GLS: variants seen among roughly 807,000 people sequenced by gnomAD.
The protein encoded by GLS is glutaminase kidney isoform, mitochondrial.
GLS carries 36 observed loss-of-function variants against 86.7 expected under a neutral mutation model. That is an observed-to-expected ratio of 0.42 (90% CI 0.32 to 0.55). The LOEUF (loss-of-function observed/expected upper bound fraction) is 0.55, where lower values mean the gene tolerates loss of function less well. Ranked by LOEUF, GLS falls within the 20% of genes least tolerant of loss-of-function variation. The probability of loss-of-function intolerance (pLI) is 0.17; values close to 1 mark genes in which losing one functional copy is unlikely to be tolerated. For synonymous variants in GLS, 317 were observed against 305.9 expected (o/e 1.04, Z -0.38); for missense variants, 528 against 833.4 (o/e 0.63, Z 4.51).
chr2:190,904,212 G>C (rs2124849635), intron 5 of GLS, among the ~76,000 whole-genome samples: 1 of 151,860 alleles, frequency 6.6e-6, no homozygotes, highest in South Asian at 2.1e-4. Context: ...TTGTAGACAG[G>C]GTCCCAGAGA....
At position 190,953,819 on chromosome 2, in the gene GLS, TAAA is replaced by T. The variant is rs1286578226; in HGVS notation, c.1712+197_1712+199del. ...CAATCTTGTCCTTTTCTGCCTCCTA[TAAA>T]AAAGACCATATCTCTGTTTCCCCAA... On this transcript the variant is annotated intron_variant, in intron 15 of 17. Coordinates refer to ENST00000320717, the MANE Select transcript of GLS (RefSeq NM_014905.5). This position sits in a 1 kb window ranked among gnomAD's most constrained non-coding sequence, Gnocchi z 4.0. Among the ~76,000 whole-genome samples the T allele has an allele frequency of 6.6e-6, 1 of 152,116 alleles. No homozygotes were observed. The highest frequency in any genetic ancestry group is 1.9e-4 in the East Asian group (1 of 5,198).
intron 14 of GLS, chr2:190,933,134 T>A (rs930992492): frequency 1.1e-6 from 1 of 876,638 alleles, no homozygotes; most frequent in East Asian, 1.0e-4. Context: ...TTTGATGTAA[T>A]TAAAATGTTA....
intron 12 of GLS, among the ~76,000 whole-genome samples, chr2:190,929,220 A>G (rs552118473): frequency 6.4e-4 from 97 of 151,656 alleles, no homozygotes; most frequent in African/African-American, 2.3e-3. Flanking sequence ...TTTGAGGAGG[A>G]GTAATTTAAA....
chr2:190,882,374 T>G (rs942419128), intron 1 of GLS, among the ~76,000 whole-genome samples: 2 of 152,194 alleles, frequency 1.3e-5, no homozygotes, highest in African/African-American at 4.8e-5. Context: ...TTAAACAATA[T>G]GCAAAGCAGT....
chr2:190,897,271 C>T lies in GLS; in HGVS notation c.605+1546C>T, dbSNP rs903065112. ...AACTCCTGACCTCAGGTAATCCATC[C>T]GCCTCGGCCTCCTAAAGTTACACGG... On this transcript the variant is annotated intron_variant, in intron 3 of 17. Coordinates refer to ENST00000320717, the MANE Select transcript of GLS (RefSeq NM_014905.5). The surrounding 1 kb of genome is among the most constrained non-coding windows in gnomAD (Gnocchi z 4.3). 2.6e-5 allele frequency among the ~76,000 whole-genome samples: 4 copies of T among 152,112 alleles called. No homozygotes were observed. Among genetic ancestry groups the T allele is most frequent in the African/African-American group, 4.8e-5 (2 of 41,488 alleles).
At chr2:190,894,619 G>A (rs114805613) in intron 1 of GLS, among the ~76,000 whole-genome samples, 24 of 152,094 alleles carry the variant, frequency 1.6e-4, no homozygotes, top group African/African-American at 5.6e-4. Context: ...TTTACCCAAG[G>A]TTACACAACT....
At chr2:190,927,073 T>G (rs1319091771) in intron 11 of GLS, 2 of 419,876 alleles carry the variant, frequency 4.8e-6, no homozygotes, top group Non-Finnish European at 8.5e-6. Flanking sequence ...CACTTCCTAG[T>G]CTAGTTCTGC....
intron 5 of GLS, among the ~76,000 whole-genome samples, chr2:190,902,645 A>AAGAG (rs1270839812): frequency 6.6e-6 from 1 of 152,216 alleles, no homozygotes; most frequent in Non-Finnish European, 1.5e-5. Flanking sequence ...TCAAAGAATT[A>AAGAG]AGAGAGGCCC....
Position 190,909,884 on chromosome 2 carries a change from A to C in GLS, c.980-379A>C, listed in dbSNP as rs143228141. Among the ~76,000 whole-genome samples the C allele has an allele frequency of 5.8e-3, 877 of 152,208 alleles. 13 individuals are homozygous for C. The highest frequency in any genetic ancestry group is 0.019 in the African/African-American group (774 of 41,520). The stretch of plus-strand genomic sequence containing the variant: ...TAGGGAGATCCTGTCTCTACAGAAA[A>C]TAAAACATTAGCCAGGTGTGGTATG... On this transcript the variant is annotated intron_variant, in intron 6 of 17. Transcript: ENST00000320717.
At chr2:190,927,575 T>A (rs1326478529) in intron 12 of GLS, 93 bp downstream of exon 12, 1 of 856,448 alleles carries the variant, frequency 1.2e-6, no homozygotes. Flanking sequence ...TCTAAAGCTG[T>A]ATATTAATTT....
At chr2:190,933,536 T>A (rs1045562417) in intron 14 of GLS, 3 of 946,838 alleles carry the variant, frequency 3.2e-6, no homozygotes, top group South Asian at 4.9e-5. Flanking sequence ...TATACAGGAG[T>A]GTCTTATGTT....
Position 190,924,632 on chromosome 2 carries a change from G to T in GLS, c.1248+39G>T, listed in dbSNP as rs1234115947. On this transcript the variant is annotated intron_variant, in intron 11 of 17. Transcript: ENST00000320717. This position sits in a 1 kb window ranked among gnomAD's most constrained non-coding sequence, Gnocchi z 5.2. ...GTAAATCGTATATATAAATGGATGT[G>T]TCGGCTGGGCACGGTGGCTCACGCC... 1.8e-6 allele frequency: 2 copies of T among 1,140,876 alleles called. No homozygotes were observed. Among genetic ancestry groups the T allele is most frequent in the Non-Finnish European group, 2.7e-6 (2 of 749,722 alleles). The allele number at this position is 1,140,876 out of a possible 1,614,324, so 70.7% of individuals were successfully genotyped here. A position where few individuals can be genotyped will look rare whatever the true frequency, so the allele number is the denominator to read the frequency against.
At position 190,954,402 on chromosome 2, in the gene GLS, A is replaced by G. The variant is rs1285193478; in HGVS notation, c.1713-182A>G. On this transcript the variant is annotated intron_variant, in intron 15 of 17. Transcript: ENST00000320717. This position sits in a 1 kb window ranked among gnomAD's most constrained non-coding sequence, Gnocchi z 4.0. ...AAAAAAAAGCAAAGCTGAGGAAGAG[A>G]GGTGAAGTGGCATCTACCCAAAACA... Among the ~76,000 whole-genome samples the G allele has an allele frequency of 1.3e-5, 2 of 152,226 alleles. No individual in the cohort carries two copies. Among genetic ancestry groups the G allele is most frequent in the Non-Finnish European group, 2.9e-5 (2 of 68,034 alleles).
rs747395647 is a variant in GLS, at chr2:190,895,293, TAATA to T, written c.483+50_483+53del. ...TATCTTAACTTAAAAAAATCAATAA[TAATA>T]AATATATACAGTATTATTGAAATAT... On this transcript the variant is annotated intron_variant, in intron 2 of 17. Transcript: ENST00000320717. The surrounding 1 kb of genome is among the most constrained non-coding windows in gnomAD (Gnocchi z 4.2). The T allele has an allele frequency of 5.1e-5, 39 of 761,780 alleles. No homozygotes were observed. Among genetic ancestry groups the T allele is most frequent in the Middle Eastern group, 3.6e-4 (1 of 2,770 alleles). 47.2% of individuals were successfully genotyped at this position (761,780 alleles called of 1,614,324 possible).
chr2:190,901,877 T>A (rs1688953563), intron 4 of GLS, 70 bp from the exon 5 acceptor site: 1 of 951,250 alleles, frequency 1.1e-6, no homozygotes, highest in Non-Finnish European at 1.7e-6. Context: ...GATAAGAAAT[T>A]TGTTGGTGGA....
At chr2:190,898,296 G>A (rs568717580) in intron 3 of GLS, among the ~76,000 whole-genome samples, 79 of 152,296 alleles carry the variant, frequency 5.2e-4, no homozygotes, top group Non-Finnish European at 9.7e-4. Context: ...CTTAAGGAAA[G>A]AAAATGATTA....
At chr2:190,889,504 G>A (rs1688497006) in intron 1 of GLS, among the ~76,000 whole-genome samples, 1 of 152,160 alleles carries the variant, frequency 6.6e-6, no homozygotes, top group South Asian at 2.1e-4. Flanking sequence ...ATATATGTTA[G>A]TTATTCTGAA....
intron 7 of GLS, among the ~76,000 whole-genome samples, chr2:190,916,074 C>T (rs1042648611): frequency 2.6e-5 from 4 of 151,996 alleles, no homozygotes; most frequent in Non-Finnish European, 5.9e-5. Flanking sequence ...AATTAAAAAT[C>T]GGAAGAGAAT....
intron 1 of GLS, chr2:190,881,855 T>G: frequency 5.5e-6 from 1 of 182,576 alleles, no homozygotes; most frequent in Non-Finnish European, 1.1e-5. Flanking sequence ...TGGGCGATGC[T>G]GCACGAACAT....
Sources: allele counts gnomAD v4.1 joint callset (sites outside exome capture counted in the v4.1 genomes callset), GRCh38; gene constraint gnomAD v4.1.1; non-coding constraint Gnocchi (gnomAD v3.1); transcripts MANE v1.5; gene names NCBI Gene and HGNC (gene_info 2026-07-23, HGNC 2026-07-21).